The following UBR4 variants were observed in gnomAD, a reference collection of about 807,000 sequenced individuals.
UBR4 encodes ubiquitin protein ligase E3 component n-recognin 4, also known as E3 ubiquitin-protein ligase UBR4.
In UBR4, 124 loss-of-function variants were observed where a neutral mutation model predicts 575.6. The ratio of observed to expected loss-of-function variants is 0.22; its 90% confidence interval spans 0.19 to 0.25. The LOEUF is 0.25. UBR4 is among the 10% of genes least tolerant of loss of function. The pLI is 1.00. For missense variants in UBR4, 4,818 were observed against 6,478.8 expected (o/e 0.74, Z 8.80); for synonymous variants, 2,455 against 2,473.7 (o/e 0.99, Z 0.22).
At chr1:19,116,819 A>G (rs2080595915) in intron 73 of UBR4, among the ~76,000 whole-genome samples, 1 of 152,236 alleles carries the variant, frequency 6.6e-6, no homozygotes, top group Admixed American at 6.5e-5. Context: ...TTGAGAAATA[A>G]CTTTCTGCCC....
chr1:19,087,981 C>G (rs1237664201), intron 98 of UBR4, 52 bp from the exon 99 acceptor site: 10 of 1,436,702 alleles, frequency 7.0e-6, no homozygotes, highest in African/African-American at 2.8e-5. Flanking sequence ...CACCCTCTCC[C>G]ACCCTAGCTT....
chr1:19,141,908 T>C (rs959513417), intron 55 of UBR4, 131 bp from the exon 56 acceptor site: 2 of 1,300,596 alleles, frequency 1.5e-6, no homozygotes, highest in Non-Finnish European at 2.1e-6. Context: ...GCGGGAGAAC[T>C]CCGGGGTGCT....
intron 60 of UBR4, among the ~76,000 whole-genome samples, chr1:19,133,623 G>A (rs1393734621): frequency 6.6e-6 from 1 of 152,182 alleles, no homozygotes; most frequent in East Asian, 1.9e-4. Flanking sequence ...ATAAGATTGT[G>A]GATACAGAAA....
intron 87 of UBR4, among the ~76,000 whole-genome samples, chr1:19,101,895 T>C (rs895432381): frequency 6.6e-6 from 1 of 152,224 alleles, no homozygotes; most frequent in Admixed American, 6.5e-5. Flanking sequence ...CATGTCTTGC[T>C]CTCTCTCAGG....
chr1:19,119,985 A>T (rs1472196466), intron 69 of UBR4, among the ~76,000 whole-genome samples, 195 bp downstream of exon 69: 2 of 152,190 alleles, frequency 1.3e-5, no homozygotes, highest in Non-Finnish European at 1.5e-5. Flanking sequence ...TAGAAAACAG[A>T]TCGTCTCCTG....
At chr1:19,169,100 A>C (rs1192314869) in intron 27 of UBR4, among the ~76,000 whole-genome samples, 1 of 152,226 alleles carries the variant, frequency 6.6e-6, no homozygotes, top group African/African-American at 2.4e-5. Context: ...AACAGAGTTA[A>C]CACGTATTGG....
chr1:19,176,822 G>T (rs1202234059), intron 19 of UBR4, 95 bp from the exon 20 acceptor site: 1 of 1,390,952 alleles, frequency 7.2e-7, no homozygotes, highest in Non-Finnish European at 9.7e-7. Flanking sequence ...CTGAATCTTG[G>T]TAATCTGAAT....
chr1:19,205,520 T>C (rs907650874), intron 1 of UBR4, among the ~76,000 whole-genome samples: 3 of 152,192 alleles, frequency 2.0e-5, no homozygotes, highest in Non-Finnish European at 2.9e-5. Flanking sequence ...AACTGAAAAC[T>C]GTCTTTCAGA....
rs201005993 is a variant in UBR4, at chr1:19,168,215, T to C, written c.3742-31A>G. The stretch of plus-strand genomic sequence containing the variant: ...AGGAAGCAAAGCAGATGTAAATGGA[T>C]AGACCATCTACCCTGGAAAAAATTC... On this transcript the variant is annotated intron_variant, in intron 27 of 105. Transcript: ENST00000375254. The C allele has an allele frequency of 4.6e-6, 7 of 1,524,094 alleles. No individual in the cohort carries two copies. In the East Asian group the frequency reaches 1.4e-4, roughly 31 times the overall value. The allele number at this position is 1,524,094 out of a possible 1,614,324, so 94.4% of individuals were successfully genotyped here.
chr1:19,157,800 A>T lies in UBR4; in HGVS notation c.5760+15T>A. 4 of 1,611,344 alleles carry T rather than the reference A, an allele frequency of 2.5e-6. No individual in the cohort carries two copies. The highest frequency in any genetic ancestry group is 3.4e-6 in the Non-Finnish European group (4 of 1,177,826). ...ATATGACCTAAAGTAAGCGCACAAG[A>T]ATTGGAGGACCCACCTTGCCCTTCT... On this transcript the variant is annotated intron_variant, in intron 40 of 105. Coordinates refer to ENST00000375254, the MANE Select transcript of UBR4 (RefSeq NM_020765.3). The surrounding 1 kb of genome is among the most constrained non-coding windows in gnomAD (Gnocchi z 4.4).
intron 60 of UBR4, among the ~76,000 whole-genome samples, chr1:19,134,718 C>A (rs2082993236): frequency 6.6e-6 from 1 of 151,678 alleles, no homozygotes; most frequent in Non-Finnish European, 1.5e-5. Flanking sequence ...TTTAGACCTC[C>A]TCTGTGGACA....
intron 11 of UBR4, among the ~76,000 whole-genome samples, chr1:19,191,836 C>G (rs1000304066): frequency 6.6e-6 from 1 of 152,216 alleles, no homozygotes; most frequent in African/African-American, 2.4e-5. Context: ...ATATTCTCAT[C>G]TTACAGGTTA....
At chr1:19,086,292 G>A (rs1475376434) in intron 100 of UBR4, 22 bp from the exon 101 acceptor site, 1 of 1,381,468 alleles carries the variant, frequency 7.2e-7, no homozygotes, top group Admixed American at 2.2e-5. Context: ...GGAGAGCAGG[G>A]ACAAGCGACT....
At position 19,201,912 on chromosome 1, in the gene UBR4, T is replaced by G. The variant is rs979257955; in HGVS notation, c.177-97A>C. On this transcript the variant is annotated intron_variant, in intron 1 of 105. Transcript: ENST00000375254. ...ATTACATTATTTAATCCTTACTACC[T>G]GGTAGATAGTATCATCAACCTATTC... 16 of 1,010,380 alleles carry G rather than the reference T, an allele frequency of 1.6e-5. No homozygotes were observed. In the East Asian group the frequency reaches 4.4e-4, roughly 28 times the overall value. 62.6% of individuals were successfully genotyped at this position (1,010,380 alleles called of 1,614,324 possible).
In UBR4 at chr1:19,153,636, A is replaced by G; in HGVS notation, c.6630+132T>C. On this transcript the variant is annotated intron_variant, in intron 45 of 105. Transcript: ENST00000375254. This position sits in a 1 kb window ranked among gnomAD's most constrained non-coding sequence, Gnocchi z 4.1. ...TACAGAAGGGTGGCAAAGAAAAGGC[A>G]TCTAGAAGAAAAAGGACTGAAAATC... The G allele has an allele frequency of 6.8e-7, 1 of 1,465,688 alleles. No individual in the cohort carries two copies. Among genetic ancestry groups the G allele is most frequent in the Non-Finnish European group, 9.3e-7 (1 of 1,079,778 alleles). The allele number at this position is 1,465,688 out of a possible 1,614,324, so 90.8% of individuals were successfully genotyped here.
At chr1:19,208,423 C>T (rs1237629372) in intron 1 of UBR4, among the ~76,000 whole-genome samples, 1 of 138,968 alleles carries the variant, frequency 7.2e-6, no homozygotes, top group South Asian at 2.3e-4. Context: ...GCTGAGATGG[C>T]GCCACTGCAT....
At chr1:19,147,047 G>A in intron 51 of UBR4, 47 bp from the exon 52 acceptor site, 2 of 1,515,852 alleles carry the variant, frequency 1.3e-6, no homozygotes, top group Non-Finnish European at 1.8e-6. Context: ...GCAAGAGCTG[G>A]GTACAAAAGC....
In UBR4 at chr1:19,114,061, T is replaced by C. The variant is rs1241452066; in HGVS notation, c.11212A>G (p.Asn3738Asp). 6.2e-7 allele frequency: 1 copy of C among 1,613,740 alleles called. No individual in the cohort carries two copies. Among genetic ancestry groups the C allele is most frequent in the Non-Finnish European group, 8.5e-7 (1 of 1,179,648 alleles). ...NEEDRKKAVS[N>D]INTLLDKADR... is the part of the protein sequence containing the mutation. ...GCTTTGTCCAAAAGTGTATTGATGT[T>C]GGATACAGCCTAGACAGGAAAAGAC... The change falls in exon 76 of 106, where the codon AAC becomes GAC. Residue 3738 changes from asparagine to aspartate, a missense_variant. Asn to Asp is a conservative substitution (Grantham distance 23, BLOSUM62 1). This residue lies in a region of UBR4 where 333 missense variants were observed against 459.2 expected (regional missense o/e 0.73). Coordinates refer to ENST00000375254, the MANE Select transcript of UBR4 (RefSeq NM_020765.3).
At position 19,093,963 on chromosome 1, in the gene UBR4, G is replaced by A. The variant is rs758860467; in HGVS notation, c.13923C>T (p.Tyr4641=). ...AAGTAACATACTTATCAAAGTTGCA[G>A]TATGGTTTGAATCGCTCCACCAAGA... ...MQILVERFKP[Y]CNFDKYDEDH... The change falls in exon 95 of 106, where the codon TAC becomes TAT. Residue 4641 remains tyrosine (Y), a synonymous_variant. Coordinates refer to ENST00000375254, the MANE Select transcript of UBR4 (RefSeq NM_020765.3). The surrounding 1 kb of genome is among the most constrained non-coding windows in gnomAD (Gnocchi z 4.8). The A allele has an allele frequency of 6.2e-7, 1 of 1,612,962 alleles. No homozygotes were observed. The highest frequency in any genetic ancestry group is 8.5e-7 in the Non-Finnish European group (1 of 1,179,336).
Sources: gnomAD v4.1 joint callset for allele counts (sites outside exome capture counted in the v4.1 genomes callset) on GRCh38, gnomAD v4.1.1 for gene constraint, gnomAD v4.1.1 regional missense constraint, Gnocchi (gnomAD v3.1) non-coding constraint, MANE v1.5 for transcripts, NCBI Gene and HGNC (gene_info 2026-07-23, HGNC 2026-07-21) for gene names.